The following PLEKHA6 variants were observed in gnomAD, a reference collection of about 807,000 sequenced individuals.
PLEKHA6 encodes the protein pleckstrin homology domain containing A6.
In PLEKHA6, 60 loss-of-function variants were observed where a neutral mutation model predicts 116.7. The observed-to-expected ratio is 0.51, with a 90% CI of 0.42 to 0.64. PLEKHA6 has a LOEUF of 0.64. Among genes scored for constraint, PLEKHA6 ranks in the 30% least tolerant of loss-of-function variants. The pLI is 0.00. For missense variants in PLEKHA6, 1,338 were observed against 1,422.7 expected (o/e 0.94, Z 0.96); for synonymous variants, 489 against 556.1 (o/e 0.88, Z 1.70).
At chr1:204,255,788 A>T (rs1262335533) in intron 9 of PLEKHA6, 1 of 670,220 alleles carries the variant, frequency 1.5e-6, no homozygotes. Flanking sequence ...AGCGACAAGG[A>T]CAAGGAGAGG....
chr1:204,374,964 G>A (rs375601778), intron 1 of PLEKHA6, among the ~76,000 whole-genome samples: 13 of 152,220 alleles, frequency 8.5e-5, no homozygotes, highest in African/African-American at 2.4e-4. Context: ...CCTTTGGCCC[G>A]TTTGGCTTTT....
chr1:204,362,006 C>T (rs987717383), upstream of PLEKHA6, among the ~76,000 whole-genome samples: 1 of 152,188 alleles, frequency 6.6e-6, no homozygotes, highest in Admixed American at 6.5e-5. Flanking sequence ...GGGCCGCAGA[C>T]GAGTCCCACG....
chr1:204,305,191 C>T (rs1306461137), intron 1 of PLEKHA6, among the ~76,000 whole-genome samples: 1 of 152,176 alleles, frequency 6.6e-6, no homozygotes, highest in East Asian at 1.9e-4. Flanking sequence ...GGACTGGTTC[C>T]ATACCAGGGA....
In PLEKHA6 at chr1:204,218,879, A is replaced by G. The variant is rs909052592; in HGVS notation, c.*3909T>C. The G allele has an allele frequency of 6.6e-6, 1 of 152,620 alleles. No homozygotes were observed. Among genetic ancestry groups the G allele is most frequent in the Admixed American group, 6.5e-5 (1 of 15,274 alleles). 9.5% of individuals were successfully genotyped at this position (152,620 alleles called of 1,614,324 possible). ...ACAAACCATTCATTTTATTTCCTGTATTGGGTTTATACAAACTTGCAAGAT... is the reference window on the plus strand; with the variant it reads ...ACAAACCATTCATTTTATTTCCTGTGTTGGGTTTATACAAACTTGCAAGAT... On this transcript the variant is annotated 3_prime_UTR_variant, in exon 23 of 23. Coordinates refer to ENST00000272203, the MANE Select transcript of PLEKHA6 (RefSeq NM_014935.5).
intron 1 of PLEKHA6, among the ~76,000 whole-genome samples, chr1:204,338,767 G>A (rs1186000537): frequency 1.3e-5 from 2 of 152,204 alleles, no homozygotes; most frequent in Non-Finnish European, 2.9e-5. Context: ...TAAGACAGGA[G>A]CAGACTGCTT....
chr1:204,333,428 T>A (rs1337328665), intron 1 of PLEKHA6, among the ~76,000 whole-genome samples: 1 of 152,226 alleles, frequency 6.6e-6, no homozygotes, highest in Non-Finnish European at 1.5e-5. Context: ...CTGCCTCTCC[T>A]AAGAACAATA....
chr1:204,313,821 C>A, intron 1 of PLEKHA6: 1 of 391,300 alleles, frequency 2.6e-6, no homozygotes, highest in Non-Finnish European at 3.5e-6. Flanking sequence ...TCAAGCCACC[C>A]CACAGAGCAT....
intron 11 of PLEKHA6, 40 bp downstream of exon 11, chr1:204,249,144 G>A (rs372082013): frequency 4.2e-5 from 65 of 1,548,022 alleles, no homozygotes; most frequent in South Asian, 3.1e-4. Context: ...AGCCAGCCTC[G>A]CCCATCTGCC....
At chr1:204,285,121 C>T (rs1287882257) in intron 1 of PLEKHA6, among the ~76,000 whole-genome samples, 1 of 152,200 alleles carries the variant, frequency 6.6e-6, no homozygotes. Flanking sequence ...CCATACGGGA[C>T]AGAATAGTCA....
At chr1:204,328,080 T>G (rs950014986) in intron 1 of PLEKHA6, among the ~76,000 whole-genome samples, 1 of 150,322 alleles carries the variant, frequency 6.7e-6, no homozygotes, top group Admixed American at 6.6e-5. Flanking sequence ...ATTTATTTAT[T>G]TATTTATTTA....
intron 1 of PLEKHA6, among the ~76,000 whole-genome samples, chr1:204,325,650 T>A (rs1463224711): frequency 1.3e-5 from 2 of 152,168 alleles, no homozygotes; most frequent in African/African-American, 4.8e-5. Flanking sequence ...AAGATCTGGA[T>A]GGGTTTTCCT....
At chr1:204,320,297 C>A (rs1244163762) in intron 1 of PLEKHA6, 1 of 154,476 alleles carries the variant, frequency 6.5e-6, no homozygotes, top group East Asian at 1.9e-4. Context: ...GTAGACCCCT[C>A]CACTTGACTC....
intron 1 of PLEKHA6, among the ~76,000 whole-genome samples, chr1:204,308,687 C>CTTTTTCTTTTTTT (rs1553275657): frequency 2.9e-4 from 24 of 81,404 alleles, no homozygotes; most frequent in African/African-American, 3.8e-4. Context: ...TTTTCTTTTT[C>CTTTTTCTTTTTTT]TTTTTTTTTT....
chr1:204,274,482 A>G, intron 2 of PLEKHA6: 1 of 389,256 alleles, frequency 2.6e-6, no homozygotes, highest in Non-Finnish European at 3.5e-6. Context: ...CCTGTCTTCT[A>G]CTCCATCAGC....
chr1:204,298,340 G>A (rs1253047080), intron 1 of PLEKHA6, among the ~76,000 whole-genome samples: 3 of 152,306 alleles, frequency 2.0e-5, no homozygotes, highest in Non-Finnish European at 4.4e-5. Context: ...TTCCAACAGT[G>A]AGACTTTTCA....
At chr1:204,352,156 T>C (rs190473219) in intron 1 of PLEKHA6, among the ~76,000 whole-genome samples, 11 of 152,096 alleles carry the variant, frequency 7.2e-5, no homozygotes, top group Non-Finnish European at 1.2e-4. Context: ...GACAGATCAC[T>C]TGAGGCCAGG....
At chr1:204,346,212 C>G (rs1673039376) in intron 1 of PLEKHA6, among the ~76,000 whole-genome samples, 1 of 152,232 alleles carries the variant, frequency 6.6e-6, no homozygotes, top group South Asian at 2.1e-4. Flanking sequence ...TCCACCCTAG[C>G]TCTGCCTCTA....
chr1:204,270,576 G>A (rs565533374), intron 3 of PLEKHA6, among the ~76,000 whole-genome samples: 3 of 152,292 alleles, frequency 2.0e-5, no homozygotes, highest in African/African-American at 7.2e-5. Context: ...ACACAATCAT[G>A]TATACAGGGC....
chr1:204,251,875 TC>T (rs1411280123), intron 9 of PLEKHA6, among the ~76,000 whole-genome samples: 1 of 152,096 alleles, frequency 6.6e-6, no homozygotes, highest in Non-Finnish European at 1.5e-5. Context: ...TGGTGACTCT[TC>T]CCCAGGGTGC....
Sources: gnomAD v4.1 joint callset for allele counts (sites outside exome capture counted in the v4.1 genomes callset) on GRCh38, gnomAD v4.1.1 for gene constraint, MANE v1.5 for transcripts, NCBI Gene and HGNC (gene_info 2026-07-23, HGNC 2026-07-21) for gene names.